TRIM23: variants seen among roughly 807,000 people sequenced by gnomAD.
TRIM23 encodes E3 ubiquitin-protein ligase TRIM23.
TRIM23 carries 27 observed loss-of-function variants against 71.0 expected under a neutral mutation model. The observed-to-expected ratio is 0.38, with a 90% confidence interval of 0.28 to 0.52. The LOEUF is 0.52. TRIM23 is among the 20% of genes least tolerant of loss of function. The pLI is 0.84. For missense variants in TRIM23, 482 were observed against 692.3 expected (o/e 0.70, Z 3.41); for synonymous variants, 234 against 238.0 (o/e 0.98, Z 0.16).
intron 10 of TRIM23, among the ~76,000 whole-genome samples, chr5:65,593,296 G>A (rs964589684): frequency 3.3e-5 from 5 of 152,128 alleles, no homozygotes; most frequent in African/African-American, 9.7e-5. Flanking sequence ...TTAGCCGGGT[G>A]TGGTAGCAAG....
chr5:65,596,822 A>G (rs934498685), intron 8 of TRIM23, among the ~76,000 whole-genome samples: 1 of 152,014 alleles, frequency 6.6e-6, no homozygotes, highest in Non-Finnish European at 1.5e-5. Context: ...AGGATCACCA[A>G]TCCTCTATTC....
chr5:65,622,575 T>A (rs1344270167), intron 1 of TRIM23, among the ~76,000 whole-genome samples: 1 of 152,256 alleles, frequency 6.6e-6, no homozygotes, highest in East Asian at 1.9e-4. Flanking sequence ...TACACAGTAT[T>A]AGCATTATAT....
At chr5:65,599,206 C>T (rs969304664) in intron 7 of TRIM23, among the ~76,000 whole-genome samples, 3 of 151,964 alleles carry the variant, frequency 2.0e-5, no homozygotes. Context: ...AGAATAAAGT[C>T]AACAAAGTTT....
chr5:65,593,496 T>C (rs1754101475), intron 10 of TRIM23, among the ~76,000 whole-genome samples: 1 of 152,216 alleles, frequency 6.6e-6, no homozygotes, highest in Admixed American at 6.5e-5. Context: ...CATCTTTAAC[T>C]ATCTGATGAG....
chr5:65,620,161 A>T (rs1417378796), intron 1 of TRIM23, among the ~76,000 whole-genome samples: 1 of 152,216 alleles, frequency 6.6e-6, no homozygotes, highest in Non-Finnish European at 1.5e-5. Context: ...AAATGTTGGT[A>T]ACATTTTGTT....
intron 6 of TRIM23, among the ~76,000 whole-genome samples, chr5:65,607,800 T>G (rs1025737023): frequency 9.2e-5 from 14 of 152,346 alleles, no homozygotes; most frequent in African/African-American, 3.4e-4. Context: ...ACTCTGATTT[T>G]GCTATGTAGC....
chr5:65,616,978 T>G (rs1293326551), intron 2 of TRIM23, among the ~76,000 whole-genome samples: 1 of 152,154 alleles, frequency 6.6e-6, no homozygotes, highest in Non-Finnish European at 1.5e-5. Context: ...CATCTTAGCC[T>G]TGCAAAGTTC....
At chr5:65,604,801 G>T (rs923257278) in intron 7 of TRIM23, 110 bp downstream of exon 7, 1 of 1,063,648 alleles carries the variant, frequency 9.4e-7, no homozygotes, top group East Asian at 2.7e-5. Context: ...TTCTTAAAAA[G>T]CCCCTAATTC....
chr5:65,610,814 G>T, intron 5 of TRIM23, 47 bp downstream of exon 5: 1 of 1,488,522 alleles, frequency 6.7e-7, no homozygotes, highest in South Asian at 1.3e-5. Context: ...GTGAAAATAT[G>T]AAAAATAAAA....
intron 6 of TRIM23, among the ~76,000 whole-genome samples, chr5:65,607,938 G>A (rs1754549916): frequency 6.6e-6 from 1 of 152,062 alleles, no homozygotes; most frequent in African/African-American, 2.4e-5. Context: ...AAACACATAG[G>A]CATATTGTGT....
chr5:65,597,413 A>T (rs1359314624), intron 7 of TRIM23, among the ~76,000 whole-genome samples: 1 of 152,106 alleles, frequency 6.6e-6, no homozygotes, highest in Non-Finnish European at 1.5e-5. Flanking sequence ...ATACCCACTT[A>T]ATTTTCTCAG....
At chr5:65,614,001 C>T in intron 3 of TRIM23, 97 bp downstream of exon 3, 5 of 1,554,800 alleles carry the variant, frequency 3.2e-6, no homozygotes, top group African/African-American at 1.4e-5. Context: ...AGAAATTTAC[C>T]TGCTGAAATA....
chr5:65,590,229 C>A lies in TRIM23; in HGVS notation c.*1540G>T. ...ATTTTTCACAGTTATTGAAATCAGT[C>A]AAATATTAAATAATTTAATTCGGAA... On this transcript the variant is annotated 3_prime_UTR_variant, in exon 11 of 11. Transcript: ENST00000231524. 1 of 986,890 alleles carries A rather than the reference C, an allele frequency of 1.0e-6. No individual in the cohort carries two copies. The highest frequency in any genetic ancestry group is 1.6e-5 in the South Asian group (1 of 60,734). The allele number at this position is 986,890 out of a possible 1,614,324, so 61.1% of individuals were successfully genotyped here.
intron 1 of TRIM23, among the ~76,000 whole-genome samples, chr5:65,620,632 T>C (rs552947764): frequency 2.0e-5 from 3 of 152,042 alleles, no homozygotes; most frequent in Admixed American, 1.3e-4. Flanking sequence ...GAAGGATACA[T>C]AGGACACCAG....
chr5:65,623,569 A>G (rs1240857930), intron 1 of TRIM23, among the ~76,000 whole-genome samples: 2 of 152,220 alleles, frequency 1.3e-5, no homozygotes, highest in Non-Finnish European at 1.5e-5. Context: ...GAAAATTCAT[A>G]AACTCTATCG....
chr5:65,606,117 A>G (rs1020760152), intron 6 of TRIM23, among the ~76,000 whole-genome samples: 25 of 152,136 alleles, frequency 1.6e-4, no homozygotes, highest in African/African-American at 6.0e-4. Context: ...TCTTCTACTC[A>G]AAACTCTACA....
At chr5:65,598,320 G>T (rs916233276) in intron 7 of TRIM23, among the ~76,000 whole-genome samples, 1 of 152,176 alleles carries the variant, frequency 6.6e-6, no homozygotes, top group African/African-American at 2.4e-5. Flanking sequence ...ATAAAACCAA[G>T]AAGGCATTCC....
chr5:65,614,060 A>C, intron 3 of TRIM23, 38 bp downstream of exon 3: 3 of 1,596,244 alleles, frequency 1.9e-6, no homozygotes, highest in Non-Finnish European at 2.6e-6. Flanking sequence ...AGAAAAATTC[A>C]TGCTCGTAAC....
chr5:65,592,030 T>C, intron 10 of TRIM23, 82 bp from the exon 11 acceptor site: 1 of 1,366,258 alleles, frequency 7.3e-7, no homozygotes, highest in African/African-American at 1.5e-5. Flanking sequence ...GAGAAATTTG[T>C]TGACAGTGTT....
Sources: allele counts gnomAD v4.1 joint callset (sites outside exome capture counted in the v4.1 genomes callset), GRCh38; gene constraint gnomAD v4.1.1; transcripts MANE v1.5; gene names NCBI Gene and HGNC (gene_info 2026-07-23, HGNC 2026-07-21).